The following CNTNAP5 variants were observed in gnomAD, a reference collection of about 807,000 sequenced individuals.
The protein encoded by CNTNAP5 is contactin-associated protein-like 5.
In CNTNAP5, 72 loss-of-function variants were observed where a neutral mutation model predicts 150.2. That is an observed-to-expected ratio of 0.48 (90% CI 0.40 to 0.58). The LOEUF (loss-of-function observed/expected upper bound fraction) is 0.58. Ranked by LOEUF, CNTNAP5 falls within the 20% of genes least tolerant of loss-of-function variation. The pLI is 0.00. For missense variants in CNTNAP5, 1,636 were observed against 1,626.2 expected (o/e 1.01, Z -0.10); for synonymous variants, 672 against 619.8 (o/e 1.08, Z -1.25).
chr2:124,790,177 G>T, intron 18 of CNTNAP5, 36 bp downstream of exon 18: 1 of 1,569,142 alleles, frequency 6.4e-7, no homozygotes, highest in Non-Finnish European at 8.6e-7. Context: ...TGAGTGCAGT[G>T]CTGTATCACC....
intron 12 of CNTNAP5, among the ~76,000 whole-genome samples, chr2:124,646,539 G>A (rs957269878): frequency 5.9e-5 from 9 of 152,074 alleles, no homozygotes; most frequent in African/African-American, 1.9e-4. Flanking sequence ...GTAATTATGC[G>A]GGCAAGATTC....
intron 1 of CNTNAP5, among the ~76,000 whole-genome samples, chr2:124,196,081 C>G (rs1484284439): frequency 6.7e-6 from 1 of 149,758 alleles, no homozygotes; most frequent in Non-Finnish European, 1.5e-5. Flanking sequence ...TTTTTTTTTT[C>G]TTGATCAGGA....
At chr2:124,912,390 T>C (rs1678674687) in intron 23 of CNTNAP5, among the ~76,000 whole-genome samples, 1 of 152,052 alleles carries the variant, frequency 6.6e-6, no homozygotes, top group Non-Finnish European at 1.5e-5. Flanking sequence ...GGTCAGGCTC[T>C]GTGCTAAGTA....
rs537176334 is a variant in CNTNAP5, at chr2:124,165,985, G to A, written c.83-55720G>A. Among the ~76,000 whole-genome samples the A allele has an allele frequency of 7.9e-5, 12 of 152,260 alleles. No individual in the cohort carries two copies. In the South Asian group the frequency reaches 2.5e-3, roughly 32 times the overall value. On this transcript the variant is annotated intron_variant, in intron 1 of 23. Transcript: ENST00000682447. ...CCCAGCCCGCTCATTCATCCTTGTTGCTTAATGAGTATGCAGAGGATTGTG... is the reference window on the plus strand; with the variant it reads ...CCCAGCCCGCTCATTCATCCTTGTTACTTAATGAGTATGCAGAGGATTGTG...
intron 19 of CNTNAP5, among the ~76,000 whole-genome samples, chr2:124,854,964 G>A (rs1168419703): frequency 6.6e-6 from 1 of 152,044 alleles, no homozygotes; most frequent in Non-Finnish European, 1.5e-5. Context: ...TTCAGCTAAG[G>A]GGAAAAGAGA....
At chr2:124,536,773 G>A (rs1573443973) in intron 10 of CNTNAP5, among the ~76,000 whole-genome samples, 1 of 152,096 alleles carries the variant, frequency 6.6e-6, no homozygotes, top group Non-Finnish European at 1.5e-5. Flanking sequence ...ATTTACGGGG[G>A]TCAAGGAGGG....
At chr2:124,510,775 T>G (rs1320172990) in intron 8 of CNTNAP5, among the ~76,000 whole-genome samples, 1 of 152,040 alleles carries the variant, frequency 6.6e-6, no homozygotes, top group Non-Finnish European at 1.5e-5. Context: ...TCTCTCAGAA[T>G]TCAAACTGAA....
chr2:124,514,282 T>C (rs1158085885), intron 8 of CNTNAP5, among the ~76,000 whole-genome samples: 1 of 152,248 alleles, frequency 6.6e-6, no homozygotes, highest in Non-Finnish European at 1.5e-5. Flanking sequence ...CTTGGGCGTC[T>C]TCAGCTTTTT....
In CNTNAP5 at chr2:124,918,501, A is replaced by T. The variant is rs1003869194; in HGVS notation, c.*4213A>T. On this transcript the variant is annotated 3_prime_UTR_variant, in exon 24 of 24. Coordinates refer to ENST00000682447, the MANE Select transcript of CNTNAP5 (RefSeq NM_001367498.1). ...AAGTTAATTCAGTTAGAAGAGTTGCACTGGGAGGGTGCAAGCACAGCCAAC... is the reference window on the plus strand; with the variant it reads ...AAGTTAATTCAGTTAGAAGAGTTGCTCTGGGAGGGTGCAAGCACAGCCAAC... Among the ~76,000 whole-genome samples, 1 of 152,088 alleles carries T rather than the reference A, an allele frequency of 6.6e-6. No homozygotes were observed. Among genetic ancestry groups the T allele is most frequent in the Non-Finnish European group, 1.5e-5 (1 of 67,990 alleles).
At chr2:124,850,494 G>A (rs1683132715) in intron 19 of CNTNAP5, among the ~76,000 whole-genome samples, 1 of 152,162 alleles carries the variant, frequency 6.6e-6, no homozygotes, top group African/African-American at 2.4e-5. Context: ...GCTGAAAAGA[G>A]ACAAGAAAGC....
intron 1 of CNTNAP5, among the ~76,000 whole-genome samples, chr2:124,103,415 T>C (rs919647156): frequency 6.6e-6 from 1 of 152,142 alleles, no homozygotes; most frequent in Non-Finnish European, 1.5e-5. Flanking sequence ...GTCCTAGGCC[T>C]TCACATTCAC....
chr2:124,085,962 T>C (rs1285078862), intron 1 of CNTNAP5, among the ~76,000 whole-genome samples: 1 of 152,160 alleles, frequency 6.6e-6, no homozygotes, highest in Admixed American at 6.5e-5. Flanking sequence ...GAAAAGAATG[T>C]ACATTTGGCT....
chr2:124,419,544 G>A (rs1692028290), intron 4 of CNTNAP5, among the ~76,000 whole-genome samples: 1 of 152,176 alleles, frequency 6.6e-6, no homozygotes, highest in Non-Finnish European at 1.5e-5. Context: ...TCTAAGCCAA[G>A]GAAAGAACTC....
chr2:124,161,883 G>A (rs960248360), intron 1 of CNTNAP5, among the ~76,000 whole-genome samples: 11 of 152,142 alleles, frequency 7.2e-5, no homozygotes, highest in Non-Finnish European at 1.3e-4. Context: ...AGAAGATTAT[G>A]GATGATTGGA....
chr2:124,528,293 C>T (rs1378443749), intron 10 of CNTNAP5, among the ~76,000 whole-genome samples: 2 of 152,138 alleles, frequency 1.3e-5, no homozygotes, highest in East Asian at 3.9e-4. Context: ...GATAAATGAC[C>T]AAGAAATGCA....
At chr2:124,172,248 A>G (rs1440098822) in intron 1 of CNTNAP5, among the ~76,000 whole-genome samples, 3 of 152,152 alleles carry the variant, frequency 2.0e-5, no homozygotes, top group African/African-American at 7.2e-5. Context: ...AATATTTTTT[A>G]TTTTTTTAAA....
intron 1 of CNTNAP5, among the ~76,000 whole-genome samples, chr2:124,087,926 G>A (rs892018288): frequency 1.3e-5 from 2 of 152,028 alleles, no homozygotes; most frequent in African/African-American, 4.8e-5. Context: ...GTCTTGCTAT[G>A]GATTCATTGG....
chr2:124,824,312 T>C (rs1184067363), intron 19 of CNTNAP5, among the ~76,000 whole-genome samples: 1 of 152,172 alleles, frequency 6.6e-6, no homozygotes, highest in African/African-American at 2.4e-5. Flanking sequence ...ATTTTCAATT[T>C]TCATACTAAC....
rs182009600 is a variant in CNTNAP5, at chr2:124,647,852, C to G, written c.1971C>G (p.Asp657Glu). Reference sequence around the variant, plus strand: ...AGAAGCCCTATGCCATGGCCTTGGACTACGGGGGCAGCATGGAACAGCTGG... The same window carrying G: ...AGAAGCCCTATGCCATGGCCTTGGAGTACGGGGGCAGCATGGAACAGCTGG... Reference protein sequence around the residue: ...NPEKPYAMALDYGGSMEQLEA... With the variant: ...NPEKPYAMALEYGGSMEQLEA... The change falls in exon 13 of 24, where the codon GAC (aspartate) becomes GAG (glutamate). Residue 657 changes from aspartate (D) to glutamate (E), a missense_variant. By Grantham distance (45) the Asp-to-Glu change is conservative (BLOSUM62 2). Transcript: ENST00000682447. The G allele has an allele frequency of 1.7e-3, 2,781 of 1,613,446 alleles. 3 individuals are homozygous for G. Among genetic ancestry groups the G allele is most frequent in the Non-Finnish European group, 2.1e-3 (2,528 of 1,179,692 alleles).
Sources: gnomAD v4.1 joint callset for allele counts (sites outside exome capture counted in the v4.1 genomes callset) on GRCh38, gnomAD v4.1.1 for gene constraint, MANE v1.5 for transcripts, NCBI Gene and HGNC (gene_info 2026-07-23, HGNC 2026-07-21) for gene names.